The following IL1RAPL2 variants were observed in gnomAD, a reference collection of about 807,000 sequenced individuals.
IL1RAPL2 encodes interleukin 1 receptor accessory protein like 2.
Under a neutral mutation model 44.1 loss-of-function variants are expected in IL1RAPL2, and 3 were observed. The ratio of observed to expected loss-of-function variants is 0.07; its 90% CI spans 0.03 to 0.18. The LOEUF is 0.18. Among genes scored for constraint, IL1RAPL2 ranks in the 10% least tolerant of loss-of-function variants. The pLI, the probability that IL1RAPL2 is intolerant of heterozygous loss-of-function variation, is 1.00. For missense variants in IL1RAPL2, 391 were observed against 496.4 expected (o/e 0.79, Z 2.02); for synonymous variants, 181 against 178.8 (o/e 1.01, Z -0.10).
chrX:105,233,608 TAC>T (rs1556198267), intron 3 of IL1RAPL2, among the ~76,000 whole-genome samples: 3 of 112,337 alleles, frequency 2.7e-5, no homozygotes, highest in Non-Finnish European at 5.6e-5. Context: ...GCTCTGTGGC[TAC>T]CTCATGGCCA....
rs187712759 is a variant in IL1RAPL2, at chrX:104,985,501, T to C, written c.83-209974T>C. Among the ~76,000 whole-genome samples the C allele has an allele frequency of 2.7e-5, 3 of 112,301 alleles. No homozygotes were observed. In the East Asian group the frequency reaches 8.4e-4, roughly 32 times the overall value. ...AAAAATAAATATTAAAAGGACCCCA[T>C]TAATGCTGCATAGCTAAATTGAGTA... On this transcript the variant is annotated intron_variant, in intron 2 of 10. Coordinates refer to ENST00000372582, the MANE Select transcript of IL1RAPL2 (RefSeq NM_017416.2).
At chrX:104,950,833 G>A (rs1057334790) in intron 2 of IL1RAPL2, among the ~76,000 whole-genome samples, 1 of 110,524 alleles carries the variant, frequency 9.0e-6, no homozygotes, top group African/African-American at 3.3e-5. Context: ...TCAGCCTCCC[G>A]AGTAGCTGGG....
intron 1 of IL1RAPL2, among the ~76,000 whole-genome samples, chrX:104,610,731 C>T (rs759710775): frequency 7.7e-4 from 86 of 111,651 alleles, no homozygotes; most frequent in South Asian, 5.3e-3. Flanking sequence ...TCAATGCGAT[C>T]CCCATCAAGC....
chrX:105,325,643 G>T (rs1226241386), intron 5 of IL1RAPL2, among the ~76,000 whole-genome samples: 6 of 103,973 alleles, frequency 5.8e-5, no homozygotes, highest in African/African-American at 1.5e-4. Context: ...ACTTTTTGAG[G>T]AACTGTCAGA....
chrX:104,585,377 T>A (rs1928534570), intron 1 of IL1RAPL2, among the ~76,000 whole-genome samples: 1 of 28,706 alleles, frequency 3.5e-5, no homozygotes, highest in Non-Finnish European at 5.1e-5. Flanking sequence ...ATATTATATA[T>A]AATATATATT....
intron 5 of IL1RAPL2, among the ~76,000 whole-genome samples, chrX:105,303,638 T>C (rs1273479328): frequency 1.8e-5 from 2 of 112,315 alleles, no homozygotes; most frequent in Non-Finnish European, 3.8e-5. Flanking sequence ...TAGTGATTCC[T>C]TCCAGCTTGC....
At chrX:105,028,098 G>A (rs758255795) in intron 2 of IL1RAPL2, among the ~76,000 whole-genome samples, 110 of 111,448 alleles carry the variant, frequency 9.9e-4, no homozygotes, top group African/African-American at 3.4e-3. Flanking sequence ...AATATCACGT[G>A]TTCTCACCTA....
chrX:105,016,044 G>T (rs775516646), intron 2 of IL1RAPL2, among the ~76,000 whole-genome samples: 85 of 111,255 alleles, frequency 7.6e-4, no homozygotes, highest in Middle Eastern at 4.6e-3. Flanking sequence ...TTGTAAGTTG[G>T]ATTCCTAGGT....
chrX:105,206,198 G>C (rs1413125932), intron 3 of IL1RAPL2, among the ~76,000 whole-genome samples: 1 of 111,606 alleles, frequency 9.0e-6, no homozygotes, highest in East Asian at 2.8e-4. Context: ...TACTGACATA[G>C]AGTAAGCACT....
intron 5 of IL1RAPL2, among the ~76,000 whole-genome samples, chrX:105,447,654 TAAATAA>T (rs1216778110): frequency 1.3e-5 from 1 of 74,289 alleles, no homozygotes; most frequent in East Asian, 4.6e-4. Context: ...AATATAAATA[TAAATAA>T]ATATAAATAT....
At chrX:105,175,140 CTG>C (rs779053462) in intron 2 of IL1RAPL2, among the ~76,000 whole-genome samples, 3 of 111,477 alleles carry the variant, frequency 2.7e-5, no homozygotes, top group East Asian at 2.8e-4. Flanking sequence ...AGTTAAGAAA[CTG>C]TACTATTATT....
intron 6 of IL1RAPL2, among the ~76,000 whole-genome samples, chrX:105,687,639 A>G (rs2037993613): frequency 9.0e-6 from 1 of 111,665 alleles, no homozygotes; most frequent in Admixed American, 9.5e-5. Context: ...AAATACTACC[A>G]GAGTTACAAA....
chrX:105,522,905 C>T (rs2036569580), intron 6 of IL1RAPL2, among the ~76,000 whole-genome samples: 1 of 111,010 alleles, frequency 9.0e-6, no homozygotes, highest in African/African-American at 3.3e-5. Context: ...TCATATCAAT[C>T]ACCTTCCTAC....
chrX:105,424,536 G>A (rs2035795537), intron 5 of IL1RAPL2, among the ~76,000 whole-genome samples: 1 of 109,430 alleles, frequency 9.1e-6, no homozygotes, highest in African/African-American at 3.3e-5. Flanking sequence ...TCCTTTCGCA[G>A]TACTCAAATG....
intron 6 of IL1RAPL2, among the ~76,000 whole-genome samples, chrX:105,584,102 A>G (rs1308737528): frequency 8.9e-6 from 1 of 111,913 alleles, no homozygotes; most frequent in Non-Finnish European, 1.9e-5. Context: ...AAATTTTAAA[A>G]TATCAGCTGG....
chrX:104,699,746 T>C (rs1340596771), intron 2 of IL1RAPL2, among the ~76,000 whole-genome samples: 1 of 111,580 alleles, frequency 9.0e-6, no homozygotes. Flanking sequence ...ATTTATATAT[T>C]ATCTATGTCT....
At chrX:104,932,724 G>C (rs1274916428) in intron 2 of IL1RAPL2, among the ~76,000 whole-genome samples, 1 of 112,191 alleles carries the variant, frequency 8.9e-6, no homozygotes, top group Admixed American at 9.4e-5. Context: ...TTAAGGCAAA[G>C]AGTTAAGCTG....
chrX:105,231,771 TA>T lies in IL1RAPL2; in HGVS notation c.357-2044del, dbSNP rs1425787946. On this transcript the variant is annotated intron_variant, in intron 3 of 10. Transcript: ENST00000372582. ...GCCAGTGTGGCTGCACCCTAATGAG[TA>T]AAGGAGAGAATGTTATGTTGAGCTA... 3.6e-5 allele frequency among the ~76,000 whole-genome samples: 4 copies of T among 111,525 alleles called. No individual in the cohort carries two copies. The South Asian group carries it at 1.1e-3, about 32-fold the overall frequency.
chrX:104,908,263 T>C (rs1011072801), intron 2 of IL1RAPL2, among the ~76,000 whole-genome samples: 11 of 112,032 alleles, frequency 9.8e-5, no homozygotes, highest in African/African-American at 2.9e-4. Flanking sequence ...ATCCAATTTG[T>C]CAGTCCGTGT....
Sources: gnomAD v4.1 joint callset for allele counts (sites outside exome capture counted in the v4.1 genomes callset) on GRCh38, gnomAD v4.1.1 for gene constraint, MANE v1.5 for transcripts, NCBI Gene and HGNC (gene_info 2026-07-23, HGNC 2026-07-21) for gene names.